SIRPG: variants seen among roughly 807,000 people sequenced by gnomAD.
SIRPG encodes the protein signal regulatory protein gamma, also known as signal-regulatory protein gamma.
In SIRPG, 38 loss-of-function variants were observed where a neutral mutation model predicts 35.7. The ratio of observed to expected loss-of-function variants is 1.06; its 90% CI spans 0.82 to 1.40. SIRPG has a LOEUF of 1.40. SIRPG is among the 40% of genes most tolerant of loss of function. The pLI is 0.00. For missense variants in SIRPG, 519 were observed against 483.0 expected, an observed-to-expected ratio of 1.07 and a Z score of -0.70; for synonymous variants, 215 against 190.4, an observed-to-expected ratio of 1.13 and a Z score of -1.06.
At position 1,629,207 on chromosome 20, in the gene SIRPG, A is replaced by G. The variant is rs1259735809; in HGVS notation, c.*432T>C. ...CACTTTGGGAGTGCATTTGTATTCA[A>G]GAGGCAATAGAGAACCTCAACAAGG... On this transcript the variant is annotated 3_prime_UTR_variant, in exon 6 of 6. Coordinates refer to ENST00000303415, the MANE Select transcript of SIRPG (RefSeq NM_018556.4). 1.3e-5 allele frequency: 2 copies of G among 152,208 alleles called. No individual in the cohort carries two copies. Among genetic ancestry groups the G allele is most frequent in the African/African-American group, 4.8e-5 (2 of 41,424 alleles). The allele number at this position is 152,208 out of a possible 1,614,324, so 9.4% of individuals were successfully genotyped here. A position where few individuals can be genotyped will look rare whatever the true frequency, so the allele number is the denominator to read the frequency against.
intron 2 of SIRPG, among the ~76,000 whole-genome samples, chr20:1,642,815 C>T (rs1168090800): frequency 1.3e-5 from 2 of 152,136 alleles, no homozygotes; most frequent in Non-Finnish European, 2.9e-5. Context: ...TTGTATTTCT[C>T]CTTCACATAT....
chr20:1,648,612 T>C (rs550975697), intron 2 of SIRPG: 2 of 152,196 alleles, frequency 1.3e-5, no homozygotes, highest in East Asian at 1.9e-4. Context: ...TCTCAGTGAG[T>C]GCCTGTTGCA....
At chr20:1,669,181 G>A in the SIRPG span, among the ~76,000 whole-genome samples, 3 of 152,174 alleles carry the variant, frequency 2.0e-5, no homozygotes, top group South Asian at 6.2e-4. Flanking sequence ...GGCTGATAGT[G>A]GCCCTGTCTT....
upstream of SIRPG, among the ~76,000 whole-genome samples, chr20:1,659,901 C>A (rs529604730): frequency 6.6e-6 from 1 of 152,114 alleles, no homozygotes; most frequent in African/African-American, 2.4e-5. Context: ...CCTGGGAAGA[C>A]GGAAGTGCAA....
intron 1 of SIRPG, among the ~76,000 whole-genome samples, chr20:1,650,778 C>G (rs1180318919): frequency 6.6e-6 from 1 of 152,092 alleles, no homozygotes. Context: ...AAGTTTAACT[C>G]AAGGATAGAA....
At chr20:1,644,002 G>A (rs1362107939) in intron 2 of SIRPG, among the ~76,000 whole-genome samples, 1 of 152,322 alleles carries the variant, frequency 6.6e-6, no homozygotes, top group Middle Eastern at 3.4e-3. Flanking sequence ...GAGCACTCCT[G>A]TGTAGGGTGT....
chr20:1,659,734 G>T (rs953893657), upstream of SIRPG, among the ~76,000 whole-genome samples: 9 of 152,206 alleles, frequency 5.9e-5, 1 homozygote, highest in African/African-American at 1.9e-4. Context: ...TTTAATGGTT[G>T]TACTATGATA....
chr20:1,671,200 A>G, the SIRPG span: 4 of 264,602 alleles, frequency 1.5e-5, no homozygotes, highest in African/African-American at 7.0e-5. Context: ...GGATTTGGCT[A>G]CAAAAGGAGC....
intron 4 of SIRPG, among the ~76,000 whole-genome samples, chr20:1,634,887 C>CA (rs1330192326): frequency 9.2e-5 from 14 of 151,408 alleles, no homozygotes; most frequent in Non-Finnish European, 2.1e-4. Flanking sequence ...ACTAAAAATA[C>CA]AAAAAATTAG....
intron 1 of SIRPG, among the ~76,000 whole-genome samples, chr20:1,653,946 G>A (rs932510409): frequency 6.6e-6 from 1 of 152,108 alleles, no homozygotes; most frequent in Non-Finnish European, 1.5e-5. Flanking sequence ...TGAGCAAAAA[G>A]AACAAAGATG....
chr20:1,679,649 C>T, the SIRPG span, among the ~76,000 whole-genome samples: 1 of 152,136 alleles, frequency 6.6e-6, no homozygotes, highest in Non-Finnish European at 1.5e-5. Context: ...CTTCATATGT[C>T]TCTCCAAATG....
chr20:1,646,974 A>G (rs990227239), intron 2 of SIRPG: 1 of 152,292 alleles, frequency 6.6e-6, no homozygotes, highest in Admixed American at 6.5e-5. Context: ...GCTTTTCGCT[A>G]TAGAACTGAA....
intron 2 of SIRPG, chr20:1,646,170 C>G (rs1228184223): frequency 2.6e-5 from 4 of 152,230 alleles, no homozygotes; most frequent in Admixed American, 2.6e-4. Context: ...ATTAACAGAG[C>G]AAGTGCCCTG....
At chr20:1,662,529 T>C (rs1372408821), upstream of SIRPG, among the ~76,000 whole-genome samples, 2 of 152,264 alleles carry the variant, frequency 1.3e-5, no homozygotes, top group South Asian at 2.1e-4. Context: ...CTACTGTTGA[T>C]ACATTTTTAG....
At chr20:1,664,032 A>G in the SIRPG span, among the ~76,000 whole-genome samples, 3 of 152,214 alleles carry the variant, frequency 2.0e-5, no homozygotes, top group Non-Finnish European at 2.9e-5. Flanking sequence ...GTGAGAGACA[A>G]AGAGGAGCTG....
In SIRPG at chr20:1,649,115, G is replaced by A. The variant is rs763356667; in HGVS notation, c.367C>T (p.Arg123Ter). The A allele has an allele frequency of 2.9e-5, 46 of 1,613,768 alleles. No individual in the cohort carries two copies. The Admixed American group carries it at 6.7e-4, about 23-fold the overall frequency. The change falls in exon 2 of 6, where the codon CGA (arginine) becomes TGA (stop). Residue 123 changes from arginine to a stop codon, truncating the protein, a stop_gained. Transcript: ENST00000303415. LOFTEE classifies it high-confidence loss of function. ...DVGTYYCVKF[R>*]KGSPENVEFK... The stretch of plus-strand genomic sequence containing the variant: ...TCCACGTTCTCAGGGCTCCCTTTTC[G>A]AAACTTCACACAGTAGTATGTGCCG...
In SIRPG at chr20:1,635,478, GTTTC is replaced by G; in HGVS notation, c.866_869del (p.Gly289AlafsTer27). 3 of 1,614,076 alleles carry G rather than the reference GTTTC, an allele frequency of 1.9e-6. No homozygotes were observed. Among genetic ancestry groups the G allele is most frequent in the South Asian group, 1.1e-5 (1 of 91,076 alleles). On this transcript the variant is annotated frameshift_variant, in exon 4 of 6. Transcript: ENST00000303415. LOFTEE classifies it high-confidence loss of function. Reference sequence around the variant, plus strand: ...TCGAGGCTGTTTCTCTCTGGCACACGTTTCCATTCTCCGACCAGGTCAGCTGTAG... The same window carrying G: ...TCGAGGCTGTTTCTCTCTGGCACACGCATTCTCCGACCAGGTCAGCTGTAG...
At chr20:1,666,742 A>G in the SIRPG span, 1 of 152,208 alleles carries the variant, frequency 6.6e-6, no homozygotes, top group Admixed American at 6.5e-5. Flanking sequence ...CTTCACGTGC[A>G]TGCATCACTA....
intron 1 of SIRPG, among the ~76,000 whole-genome samples, 176 bp downstream of exon 1, chr20:1,657,466 C>T (rs1328382575): frequency 2.0e-5 from 3 of 152,176 alleles, no homozygotes; most frequent in African/African-American, 7.2e-5. Flanking sequence ...CCTCTGGTAG[C>T]CAGCTGCAGA....
Sources: allele counts gnomAD v4.1 joint callset (sites outside exome capture counted in the v4.1 genomes callset), GRCh38; gene constraint gnomAD v4.1.1; transcripts MANE v1.5; gene names NCBI Gene and HGNC (gene_info 2026-07-23, HGNC 2026-07-21).